Variants in GRID2 observed in about 807,000 individuals in gnomAD.
The protein encoded by GRID2 is glutamate ionotropic receptor delta type subunit 2.
Under a neutral mutation model 114.8 loss-of-function variants are expected in GRID2, and 33 were observed. The observed-to-expected ratio is 0.29, with a 90% CI of 0.22 to 0.38. The LOEUF (loss-of-function observed/expected upper bound fraction) is 0.38, where lower values mean the gene tolerates loss of function less well. Among genes scored for constraint, GRID2 ranks in the 10% least tolerant of loss-of-function variants. The pLI is 1.00. For missense variants in GRID2, 1,184 were observed against 1,257.7 expected (o/e 0.94, Z 0.89); for synonymous variants, 505 against 449.9 (o/e 1.12, Z -1.55).
chr4:92,479,396 TA>T (rs570976080), intron 1 of GRID2, among the ~76,000 whole-genome samples: 12 of 152,124 alleles, frequency 7.9e-5, no homozygotes, highest in African/African-American at 2.4e-4. Context: ...TTATATGGAT[TA>T]AAAAAATGCC....
chr4:92,741,023 C>T lies in GRID2; in HGVS notation c.244+150737C>T, dbSNP rs138752235. ...CCTCCCAAAATACTGGGATTATAGGCATGAGTCACCATGCCCAGCCTATAA... is the reference window on the plus strand; with the variant it reads ...CCTCCCAAAATACTGGGATTATAGGTATGAGTCACCATGCCCAGCCTATAA... On this transcript the variant is annotated intron_variant, in intron 2 of 15. Coordinates refer to ENST00000282020, the MANE Select transcript of GRID2 (RefSeq NM_001510.4). Among the ~76,000 whole-genome samples the T allele has an allele frequency of 4.9e-3, 751 of 152,204 alleles. 12 individuals are homozygous for T. The highest frequency in any genetic ancestry group is 0.017 in the African/African-American group (691 of 41,544).
At chr4:92,612,166 C>G (rs367727230) in intron 2 of GRID2, among the ~76,000 whole-genome samples, 3 of 151,386 alleles carry the variant, frequency 2.0e-5, no homozygotes, top group African/African-American at 7.3e-5. Context: ...GTATGAGGCA[C>G]TGTTTTGGCA....
intron 2 of GRID2, among the ~76,000 whole-genome samples, chr4:92,833,432 TTAA>T (rs945193682): frequency 9.9e-5 from 15 of 152,204 alleles, no homozygotes; most frequent in Admixed American, 3.9e-4. Flanking sequence ...GGCAATAATG[TTAA>T]TAAACAATTC....
chr4:93,091,214 G>A (rs994716655), intron 3 of GRID2, among the ~76,000 whole-genome samples: 13 of 152,072 alleles, frequency 8.5e-5, no homozygotes, highest in Non-Finnish European at 1.9e-4. Flanking sequence ...CATCAGTTTA[G>A]TGGCTTTATT....
intron 14 of GRID2, among the ~76,000 whole-genome samples, chr4:93,729,690 T>A (rs1223752641): frequency 6.6e-6 from 1 of 151,650 alleles, no homozygotes; most frequent in Admixed American, 6.6e-5. Flanking sequence ...GGATTACAGG[T>A]GCCCACCACC....
chr4:93,471,300 G>A (rs2149434539), intron 11 of GRID2, among the ~76,000 whole-genome samples: 1 of 152,216 alleles, frequency 6.6e-6, no homozygotes, highest in Admixed American at 6.5e-5. Flanking sequence ...TGCAAGGAGG[G>A]GAAACCCATT....
intron 2 of GRID2, among the ~76,000 whole-genome samples, chr4:92,880,645 G>A (rs1329987135): frequency 6.6e-6 from 1 of 151,894 alleles, no homozygotes; most frequent in Non-Finnish European, 1.5e-5. Context: ...ATATTCTAGA[G>A]GGATAATAAA....
At chr4:92,600,264 T>C (rs1017635067) in intron 2 of GRID2, among the ~76,000 whole-genome samples, 1 of 151,582 alleles carries the variant, frequency 6.6e-6, no homozygotes, top group Non-Finnish European at 1.5e-5. Context: ...AGTGGTCTCA[T>C]GTACTCATTC....
At chr4:93,591,902 A>G (rs1196265289) in intron 13 of GRID2, among the ~76,000 whole-genome samples, 1 of 151,938 alleles carries the variant, frequency 6.6e-6, no homozygotes, top group Non-Finnish European at 1.5e-5. Flanking sequence ...CGGTGGTGAT[A>G]TCCCCTTTAT....
chr4:93,138,960 G>A (rs1238535306), intron 4 of GRID2, among the ~76,000 whole-genome samples: 1 of 152,118 alleles, frequency 6.6e-6, no homozygotes, highest in Non-Finnish European at 1.5e-5. Context: ...TTCATCTCCT[G>A]CTATTCTTTC....
At chr4:93,742,225 T>A (rs1017437167) in intron 14 of GRID2, among the ~76,000 whole-genome samples, 12 of 152,122 alleles carry the variant, frequency 7.9e-5, no homozygotes, top group African/African-American at 2.4e-4. Context: ...ATATGAGTAG[T>A]TATGCCCAAT....
intron 14 of GRID2, among the ~76,000 whole-genome samples, chr4:93,750,498 G>A (rs541094055): frequency 4.6e-5 from 7 of 151,932 alleles, no homozygotes; most frequent in South Asian, 2.1e-4. Context: ...GGCCAGGCGC[G>A]GTGGCTCACG....
intron 1 of GRID2, among the ~76,000 whole-genome samples, chr4:92,554,470 T>A (rs888051893): frequency 1.3e-5 from 2 of 152,196 alleles, no homozygotes; most frequent in African/African-American, 4.8e-5. Flanking sequence ...TAAAAACAAT[T>A]TGATAAGTTC....
At chr4:92,606,357 C>T (rs372825081) in intron 2 of GRID2, among the ~76,000 whole-genome samples, 15 of 152,106 alleles carry the variant, frequency 9.9e-5, no homozygotes, top group African/African-American at 3.6e-4. Flanking sequence ...AAATGAGCAA[C>T]AGCTGGGTTA....
chr4:92,371,987 T>G (rs1232742704), intron 1 of GRID2, among the ~76,000 whole-genome samples: 1 of 152,098 alleles, frequency 6.6e-6, no homozygotes, highest in Admixed American at 6.5e-5. Flanking sequence ...GGTCAAGACT[T>G]CAGTGGAGGC....
At chr4:93,240,129 G>A (rs935098899) in intron 8 of GRID2, among the ~76,000 whole-genome samples, 1 of 151,490 alleles carries the variant, frequency 6.6e-6, no homozygotes, top group Non-Finnish European at 1.5e-5. Flanking sequence ...ATGCTTGTAG[G>A]TGTATTTCTG....
At chr4:93,130,431 A>G (rs1313580469) in intron 4 of GRID2, among the ~76,000 whole-genome samples, 1 of 152,220 alleles carries the variant, frequency 6.6e-6, no homozygotes, top group Non-Finnish European at 1.5e-5. Context: ...AGTACAGAGC[A>G]AAACCCTGTC....
intron 2 of GRID2, among the ~76,000 whole-genome samples, chr4:92,677,909 T>G (rs1163203550): frequency 6.6e-6 from 1 of 152,072 alleles, no homozygotes; most frequent in Non-Finnish European, 1.5e-5. Context: ...ATCATGCTCC[T>G]TCACTACTGA....
At chr4:93,207,262 A>G in intron 4 of GRID2, 142 bp from the exon 5 acceptor site, 1 of 686,284 alleles carries the variant, frequency 1.5e-6, no homozygotes, top group Non-Finnish European at 2.7e-6. Context: ...TGTTTTGCTA[A>G]TAATTTTTCC....
Sources: gnomAD v4.1 joint callset for allele counts (sites outside exome capture counted in the v4.1 genomes callset) on GRCh38, gnomAD v4.1.1 for gene constraint, MANE v1.5 for transcripts, NCBI Gene and HGNC (gene_info 2026-07-23, HGNC 2026-07-21) for gene names.